CFAP418: variants seen among roughly 807,000 people sequenced by gnomAD.
The protein encoded by CFAP418 is cilia- and flagella-associated protein 418.
Under a neutral mutation model 24.7 loss-of-function variants are expected in CFAP418, and 27 were observed. That is an observed-to-expected ratio of 1.09 (90% CI 0.81 to 1.51). The LOEUF is 1.51. CFAP418 is among the 40% of genes most tolerant of loss of function. The pLI is 0.00. For missense variants in CFAP418, 257 were observed against 255.2 expected (o/e 1.01, Z -0.05); for synonymous variants, 74 against 87.3 (o/e 0.85, Z 0.85).
At chr8:95,268,539 T>C (rs1159824702) in intron 1 of CFAP418, among the ~76,000 whole-genome samples, 1 of 151,802 alleles carries the variant, frequency 6.6e-6, no homozygotes, top group African/African-American at 2.4e-5. Context: ...GAGTGGGGTC[T>C]GAGGCAATGG....
chr8:95,266,160 G>A (rs1811976262), intron 1 of CFAP418, among the ~76,000 whole-genome samples: 1 of 152,166 alleles, frequency 6.6e-6, no homozygotes, highest in Non-Finnish European at 1.5e-5. Flanking sequence ...GGATTGTGAA[G>A]ATTAAATGAA....
At chr8:95,254,569 T>G (rs1811757262) in intron 4 of CFAP418, among the ~76,000 whole-genome samples, 1 of 152,186 alleles carries the variant, frequency 6.6e-6, no homozygotes, top group Non-Finnish European at 1.5e-5. Flanking sequence ...ACCAAGAGCT[T>G]TGTTCTTTTG....
chr8:95,248,154 T>C (rs1018960885), intron 5 of CFAP418, among the ~76,000 whole-genome samples: 1 of 152,166 alleles, frequency 6.6e-6, no homozygotes, highest in Non-Finnish European at 1.5e-5. Flanking sequence ...TTTTCTTATC[T>C]TCCCCGTATC....
In CFAP418 at chr8:95,247,611, G is replaced by A. The variant is rs1811642123; in HGVS notation, c.*6C>T. The A allele has an allele frequency of 6.2e-7, 1 of 1,613,892 alleles. No homozygotes were observed. Among genetic ancestry groups the A allele is most frequent in the South Asian group, 1.1e-5 (1 of 91,088 alleles). On this transcript the variant is annotated 3_prime_UTR_variant, in exon 6 of 6. Coordinates refer to ENST00000286688, the MANE Select transcript of CFAP418 (RefSeq NM_177965.4). ...ATGCATCTGTCCGAATGTGCAGTCT[G>A]CATTCTTAATGTTTACCACAAACCC...
chr8:95,260,446 C>A, intron 3 of CFAP418, 22 bp downstream of exon 3: 1 of 1,548,586 alleles, frequency 6.5e-7, no homozygotes. Context: ...GTGTATAATT[C>A]ACCAAAGCAA....
At chr8:95,253,226 C>T (rs1811735878) in intron 4 of CFAP418, among the ~76,000 whole-genome samples, 2 of 151,852 alleles carry the variant, frequency 1.3e-5, no homozygotes, top group African/African-American at 4.8e-5. Context: ...AGGAGAATGG[C>T]GTGAACCCGG....
intron 2 of CFAP418, among the ~76,000 whole-genome samples, chr8:95,261,849 C>T (rs1441780114): frequency 6.6e-6 from 1 of 152,196 alleles, no homozygotes; most frequent in Non-Finnish European, 1.5e-5. Context: ...TACAGATATG[C>T]ACCCTATTGG....
At chr8:95,262,173 G>A (rs1030697265) in intron 2 of CFAP418, among the ~76,000 whole-genome samples, 1 of 152,190 alleles carries the variant, frequency 6.6e-6, no homozygotes, top group African/African-American at 2.4e-5. Flanking sequence ...GCTGACTGTG[G>A]AACTTGAGTA....
intron 1 of CFAP418, among the ~76,000 whole-genome samples, chr8:95,267,717 G>C (rs1379527734): frequency 1.3e-5 from 2 of 152,182 alleles, no homozygotes; most frequent in African/African-American, 4.8e-5. Flanking sequence ...CCAAACCAAA[G>C]ATGCAGCAAA....
intron 5 of CFAP418, among the ~76,000 whole-genome samples, chr8:95,251,747 A>T (rs1478601768): frequency 1.3e-5 from 2 of 152,160 alleles, no homozygotes; most frequent in Non-Finnish European, 2.9e-5. Context: ...ACAGTCATGC[A>T]TTGCTTATGC....
At position 95,264,639 on chromosome 8, in the gene CFAP418, T is replaced by C. The variant is rs147846447; in HGVS notation, c.156-865A>G. Among the ~76,000 whole-genome samples the C allele has an allele frequency of 3.1e-3, 468 of 152,310 alleles. 4 individuals carry two copies. Among genetic ancestry groups the C allele is most frequent in the African/African-American group, 0.011 (459 of 41,576 alleles). On this transcript the variant is annotated intron_variant, in intron 1 of 5. Coordinates refer to ENST00000286688, the MANE Select transcript of CFAP418 (RefSeq NM_177965.4). ...TATGAAGTAGATGCTGTACATCAAC[T>C]TTATAACTTCATTAAATTATTTGTT...
At chr8:95,267,161 G>A (rs994893419) in intron 1 of CFAP418, among the ~76,000 whole-genome samples, 4 of 152,188 alleles carry the variant, frequency 2.6e-5, no homozygotes, top group Admixed American at 2.6e-4. Context: ...AGCCAAATGA[G>A]TGTTAGCCCA....
chr8:95,264,276 T>G (rs1328350077), intron 1 of CFAP418, among the ~76,000 whole-genome samples: 1 of 152,168 alleles, frequency 6.6e-6, no homozygotes, highest in East Asian at 1.9e-4. Context: ...ACAGAATATC[T>G]CAACTACTCA....
chr8:95,253,282 C>G (rs1170210150), intron 4 of CFAP418, among the ~76,000 whole-genome samples: 1 of 151,830 alleles, frequency 6.6e-6, no homozygotes, highest in Non-Finnish European at 1.5e-5. Context: ...TGCACTCCAG[C>G]CTGGGCGACA....
chr8:95,252,991 T>C (rs559406842), intron 4 of CFAP418, among the ~76,000 whole-genome samples: 42 of 152,222 alleles, frequency 2.8e-4, no homozygotes, highest in African/African-American at 9.9e-4. Flanking sequence ...AATTCCTATA[T>C]AGGTGGCTAG....
intron 1 of CFAP418, among the ~76,000 whole-genome samples, chr8:95,266,702 A>G (rs1364503182): frequency 1.3e-5 from 2 of 152,208 alleles, no homozygotes; most frequent in Admixed American, 6.5e-5. Flanking sequence ...TTTTTGTACA[A>G]TTTACAACTA....
At chr8:95,265,444 A>G (rs1262863470) in intron 1 of CFAP418, among the ~76,000 whole-genome samples, 1 of 152,176 alleles carries the variant, frequency 6.6e-6, no homozygotes, top group East Asian at 1.9e-4. Context: ...TCTTCTCTCG[A>G]AGGTTTCCAC....
At chr8:95,257,470 C>T (rs1166717803) in intron 4 of CFAP418, among the ~76,000 whole-genome samples, 1 of 152,126 alleles carries the variant, frequency 6.6e-6, no homozygotes, top group African/African-American at 2.4e-5. Flanking sequence ...CATTGTCCTT[C>T]GATGTAGGCT....
At chr8:95,260,323 A>C (rs1290745775) in intron 3 of CFAP418, 145 bp downstream of exon 3, 1 of 579,648 alleles carries the variant, frequency 1.7e-6, no homozygotes, top group Admixed American at 3.8e-5. Context: ...CACTGAAGAT[A>C]TTGCTATTGG....
Sources: gnomAD v4.1 joint callset for allele counts (sites outside exome capture counted in the v4.1 genomes callset) on GRCh38, gnomAD v4.1.1 for gene constraint, MANE v1.5 for transcripts, NCBI Gene and HGNC (gene_info 2026-07-23, HGNC 2026-07-21) for gene names.